MTHFD2L: variants seen among roughly 807,000 people sequenced by gnomAD.
MTHFD2L encodes methylenetetrahydrofolate dehydrogenase (NADP+ dependent) 2 like.
A neutral mutation model predicts 34.9 loss-of-function variants in MTHFD2L; 29 were observed. The ratio of observed to expected loss-of-function variants is 0.83; its 90% CI spans 0.62 to 1.13. The LOEUF (loss-of-function observed/expected upper bound fraction) is 1.13, where lower values mean the gene tolerates loss of function less well. MTHFD2L is among the 50% of genes most tolerant of loss of function. MTHFD2L has a pLI of 0.00. For missense variants in MTHFD2L, 481 were observed against 446.5 expected, an observed-to-expected ratio of 1.08 and a Z score of -0.70; for synonymous variants, 167 against 155.7, an observed-to-expected ratio of 1.07 and a Z score of -0.54.
intron 5 of MTHFD2L, among the ~76,000 whole-genome samples, chr4:74,219,749 C>T (rs533694463): frequency 6.6e-5 from 10 of 152,106 alleles, no homozygotes; most frequent in African/African-American, 2.2e-4. Context: ...TCAGGTCTTC[C>T]GAATAACAGG....
At chr4:74,232,135 G>A (rs1473333571) in intron 6 of MTHFD2L, among the ~76,000 whole-genome samples, 3 of 152,152 alleles carry the variant, frequency 2.0e-5, no homozygotes, top group African/African-American at 7.2e-5. Context: ...GGTTGCTTTT[G>A]ATACTAATAC....
At chr4:74,128,735 A>AT (rs1343490654) in intron 1 of MTHFD2L, among the ~76,000 whole-genome samples, 2 of 151,878 alleles carry the variant, frequency 1.3e-5, no homozygotes, top group Non-Finnish European at 2.9e-5. Flanking sequence ...AAATTTGAGA[A>AT]TTTTTTTCTA....
At chr4:74,199,077 G>A (rs965897197) in intron 3 of MTHFD2L, among the ~76,000 whole-genome samples, 2 of 152,036 alleles carry the variant, frequency 1.3e-5, no homozygotes, top group Admixed American at 1.3e-4. Flanking sequence ...TTAGGTTAGT[G>A]ATAATTTAAA....
intron 5 of MTHFD2L, among the ~76,000 whole-genome samples, chr4:74,217,830 T>A (rs1737449641): frequency 6.6e-6 from 1 of 152,166 alleles, no homozygotes; most frequent in South Asian, 2.1e-4. Flanking sequence ...TCCTCATATT[T>A]TTTTGGAAAG....
At chr4:74,248,952 A>C in intron 6 of MTHFD2L, among the ~76,000 whole-genome samples, 1 of 151,040 alleles carries the variant, frequency 6.6e-6, no homozygotes, top group South Asian at 2.1e-4. Context: ...AAAAATGTAT[A>C]TTCTGTTGAT....
intron 1 of MTHFD2L, among the ~76,000 whole-genome samples, chr4:74,137,254 A>G (rs1276970812): frequency 6.6e-6 from 1 of 152,214 alleles, no homozygotes; most frequent in Non-Finnish European, 1.5e-5. Flanking sequence ...TAGAAATCTC[A>G]AACAATTCAA....
At chr4:74,201,641 A>G (rs1456650994) in intron 5 of MTHFD2L, among the ~76,000 whole-genome samples, 1 of 151,430 alleles carries the variant, frequency 6.6e-6, no homozygotes, top group African/African-American at 2.4e-5. Flanking sequence ...GTGCAAAGCT[A>G]CTAGATACAA....
chr4:74,268,297 TCACACAAATTC>T (rs1745560185), intron 6 of MTHFD2L: 1 of 953,098 alleles, frequency 1.0e-6, no homozygotes, highest in Non-Finnish European at 1.2e-6. Context: ...AAGCATACAT[TCACACAAATTC>T]CACTCTAATT....
At chr4:74,268,446 T>C (rs1442647431) in intron 6 of MTHFD2L, among the ~76,000 whole-genome samples, 1 of 152,038 alleles carries the variant, frequency 6.6e-6, no homozygotes, top group African/African-American at 2.4e-5. Flanking sequence ...TACCTCTGAC[T>C]CATCATTGTG....
chr4:74,122,064 C>A (rs1721792192), upstream of MTHFD2L, among the ~76,000 whole-genome samples: 1 of 152,056 alleles, frequency 6.6e-6, no homozygotes, highest in Non-Finnish European at 1.5e-5. Flanking sequence ...CCCTAGCAAA[C>A]TAATATATTC....
chr4:74,188,659 T>C (rs1270817048), intron 3 of MTHFD2L, among the ~76,000 whole-genome samples: 1 of 151,292 alleles, frequency 6.6e-6, no homozygotes, highest in African/African-American at 2.4e-5. Flanking sequence ...TTATCTTGAC[T>C]AGGATTCTGG....
At chr4:74,212,488 A>G (rs1353066417) in intron 5 of MTHFD2L, among the ~76,000 whole-genome samples, 2 of 152,076 alleles carry the variant, frequency 1.3e-5, no homozygotes, top group Non-Finnish European at 2.9e-5. Flanking sequence ...TTCAGTTTTC[A>G]TGTAGTTGTG....
chr4:74,255,084 G>A (rs1216053843), intron 6 of MTHFD2L, among the ~76,000 whole-genome samples: 1 of 125,036 alleles, frequency 8.0e-6, no homozygotes, highest in African/African-American at 3.1e-5. Context: ...ACAGTGAGCT[G>A]AGATCATGTC....
At chr4:74,288,087 G>A (rs2110297628) in intron 7 of MTHFD2L, among the ~76,000 whole-genome samples, 1 of 152,158 alleles carries the variant, frequency 6.6e-6, no homozygotes, top group East Asian at 1.9e-4. Context: ...TTAGAAGGTT[G>A]GATTAGACCC....
At chr4:74,245,165 A>G (rs1311433207) in intron 6 of MTHFD2L, among the ~76,000 whole-genome samples, 1 of 129,524 alleles carries the variant, frequency 7.7e-6, no homozygotes, top group Non-Finnish European at 1.6e-5. Flanking sequence ...ACTGCACTTT[A>G]GCCCGGGCAA....
At chr4:74,238,737 A>T (rs1273461531) in intron 6 of MTHFD2L, among the ~76,000 whole-genome samples, 1 of 152,226 alleles carries the variant, frequency 6.6e-6, no homozygotes. Flanking sequence ...ACAAGAAAAA[A>T]TGCTCATCGT....
chr4:74,118,304 T>A (rs1434302196), intron 2 of MTHFD2L, among the ~76,000 whole-genome samples: 3 of 152,202 alleles, frequency 2.0e-5, no homozygotes, highest in Non-Finnish European at 4.4e-5. Flanking sequence ...AAAAAATACA[T>A]AGGCCTCAGC....
At chr4:74,124,530 G>A (rs988010690), upstream of MTHFD2L, among the ~76,000 whole-genome samples, 2 of 151,670 alleles carry the variant, frequency 1.3e-5, no homozygotes, top group Admixed American at 6.6e-5. Context: ...AATAGTCAGT[G>A]AGAATCATTT....
In MTHFD2L at chr4:74,301,843, G is replaced by C. The variant is rs771750006; in HGVS notation, c.*34G>C. 10 of 1,356,398 alleles carry C rather than the reference G, an allele frequency of 7.4e-6. No individual in the cohort carries two copies. Among genetic ancestry groups the C allele is most frequent in the African/African-American group, 2.9e-5 (2 of 68,512 alleles). The allele number at this position is 1,356,398 out of a possible 1,614,324, so 84.0% of individuals were successfully genotyped here. On this transcript the variant is annotated 3_prime_UTR_variant, in exon 8 of 8. Transcript: ENST00000325278. ...AAAGGATAAAGCAAACTGAAGTCATGCTATTTGTTTATTTGACAAAGGGTA... is the reference window on the plus strand; with the variant it reads ...AAAGGATAAAGCAAACTGAAGTCATCCTATTTGTTTATTTGACAAAGGGTA...
Sources: gnomAD v4.1 joint callset for allele counts (sites outside exome capture counted in the v4.1 genomes callset) on GRCh38, gnomAD v4.1.1 for gene constraint, MANE v1.5 for transcripts, NCBI Gene and HGNC (gene_info 2026-07-23, HGNC 2026-07-21) for gene names.